The following NUSAP1 variants were observed in gnomAD, a reference collection of about 807,000 sequenced individuals.
NUSAP1 encodes the protein nucleolar and spindle-associated protein 1.
In NUSAP1, 32 loss-of-function variants were observed where a neutral mutation model predicts 52.8. That is an observed-to-expected ratio of 0.61 (90% confidence interval 0.46 to 0.81). NUSAP1 has a LOEUF of 0.81. Ranked by LOEUF, NUSAP1 falls within the 40% of genes least tolerant of loss-of-function variation. NUSAP1 has a pLI of 0.00. For synonymous variants in NUSAP1, 195 were observed against 183.1 expected (o/e 1.06, Z -0.52); for missense variants, 499 against 522.3 (o/e 0.96, Z 0.43).
chr15:41,371,701 A>C lies in NUSAP1; in HGVS notation c.1006+17A>C, dbSNP rs1465804735. On this transcript the variant is annotated intron_variant, in intron 8 of 10. Transcript: ENST00000559596. The stretch of plus-strand genomic sequence containing the variant: ...CTGCTGCTGGTAAAAAAAAAAAAAA[A>C]CAAAAGAAATCTGTTTCATTTTTAA... The C allele has an allele frequency of 1.7e-5, 27 of 1,563,682 alleles. No individual in the cohort carries two copies. Among genetic ancestry groups the C allele is most frequent in the African/African-American group, 4.2e-5 (3 of 71,602 alleles).
intron 7 of NUSAP1, among the ~76,000 whole-genome samples, chr15:41,368,736 T>C (rs2140803488): frequency 7.4e-6 from 1 of 135,424 alleles, no homozygotes; most frequent in East Asian, 2.1e-4. Flanking sequence ...TTCTTTTTTT[T>C]TTTTTTTTTT....
At chr15:41,345,450 T>C in intron 2 of NUSAP1, 1 of 419,844 alleles carries the variant, frequency 2.4e-6, no homozygotes, top group South Asian at 1.7e-5. Flanking sequence ...AAATTTATGA[T>C]CACCTATTTT....
At chr15:41,362,858 A>G (rs907352237) in intron 6 of NUSAP1, among the ~76,000 whole-genome samples, 12 of 152,134 alleles carry the variant, frequency 7.9e-5, no homozygotes, top group African/African-American at 2.9e-4. Flanking sequence ...TCTTGACTTC[A>G]GCTACTCAGG....
chr15:41,334,144 AGTCTTGCTCT>A (rs2048029592), intron 1 of NUSAP1, among the ~76,000 whole-genome samples: 2 of 151,870 alleles, frequency 1.3e-5, no homozygotes, highest in Admixed American at 6.6e-5. Flanking sequence ...TTTGAGACGG[AGTCTTGCTCT>A]GTCGCCCAGG....
At chr15:41,377,834 T>A (rs991421172) in intron 10 of NUSAP1, among the ~76,000 whole-genome samples, 3 of 150,060 alleles carry the variant, frequency 2.0e-5, no homozygotes, top group Non-Finnish European at 4.4e-5. Flanking sequence ...ACCCCATCTC[T>A]ACTAAAAATA....
chr15:41,360,966 T>C (rs2049152257), intron 6 of NUSAP1, among the ~76,000 whole-genome samples: 2 of 151,888 alleles, frequency 1.3e-5, no homozygotes, highest in African/African-American at 2.4e-5. Context: ...TGGTGGTGGG[T>C]GCCTGTACTC....
At chr15:41,336,648 GTTTTTT>G (rs75426159) in intron 1 of NUSAP1, among the ~76,000 whole-genome samples, 1 of 91,372 alleles carries the variant, frequency 1.1e-5, no homozygotes, top group African/African-American at 4.0e-5. Context: ...CCTCCTTTTG[GTTTTTT>G]TTTTTTTTTT....
chr15:41,361,203 GA>G (rs2049163289), intron 6 of NUSAP1, among the ~76,000 whole-genome samples: 1 of 151,924 alleles, frequency 6.6e-6, no homozygotes, highest in Non-Finnish European at 1.5e-5. Context: ...AGACCAGCCT[GA>G]CCAACATGGA....
chr15:41,345,605 A>T, intron 2 of NUSAP1: 1 of 312,420 alleles, frequency 3.2e-6, no homozygotes, highest in Non-Finnish European at 6.1e-6. Context: ...GATTACAGGC[A>T]TGCGCCACCA....
chr15:41,348,733 G>A (rs763120820), intron 2 of NUSAP1, among the ~76,000 whole-genome samples: 1 of 152,098 alleles, frequency 6.6e-6, no homozygotes, highest in African/African-American at 2.4e-5. Context: ...TCCCCTTGCC[G>A]GGTCAAGTGA....
intron 6 of NUSAP1, 84 bp from the exon 7 acceptor site, chr15:41,365,318 G>A (rs2049351222): frequency 2.9e-5 from 34 of 1,170,812 alleles, no homozygotes; most frequent in South Asian, 9.7e-5. Flanking sequence ...CACAACGCCC[G>A]GCTAATTTTT....
chr15:41,377,930 C>T (rs7166617), intron 10 of NUSAP1, among the ~76,000 whole-genome samples: 2,443 of 151,338 alleles, frequency 0.016, 77 homozygotes, highest in African/African-American at 0.057. Flanking sequence ...GCAGAGCTTA[C>T]AGTGAGCCGA....
chr15:41,335,819 A>G (rs1049943360), intron 1 of NUSAP1, among the ~76,000 whole-genome samples: 1 of 146,874 alleles, frequency 6.8e-6, no homozygotes, highest in Non-Finnish European at 1.5e-5. Flanking sequence ...TATACTAAAT[A>G]TACTATATTA....
At chr15:41,359,072 G>C (rs1196252474) in intron 6 of NUSAP1, among the ~76,000 whole-genome samples, 2 of 152,138 alleles carry the variant, frequency 1.3e-5, no homozygotes, top group African/African-American at 2.4e-5. Context: ...TGATGTTATT[G>C]GTATCTGGTG....
intron 2 of NUSAP1, among the ~76,000 whole-genome samples, chr15:41,348,562 T>A (rs1334181586): frequency 6.6e-6 from 1 of 152,252 alleles, no homozygotes; most frequent in East Asian, 1.9e-4. Flanking sequence ...TTGAATACTT[T>A]ACTACCCTAA....
rs775257402 is a variant in NUSAP1, at chr15:41,375,854, G to A, written c.1123+26G>A. On this transcript the variant is annotated intron_variant, in intron 9 of 10. Transcript: ENST00000559596. ...GTATGTGGGAGTGTTTTGAGCTACAGGGCCTGTAAAATACTTAAGATTGGT... is the reference window on the plus strand; with the variant it reads ...GTATGTGGGAGTGTTTTGAGCTACAAGGCCTGTAAAATACTTAAGATTGGT... 7 of 1,482,500 alleles carry A rather than the reference G, an allele frequency of 4.7e-6. No homozygotes were observed. The South Asian group carries it at 5.7e-5, about 12-fold the overall frequency. 91.8% of individuals were successfully genotyped at this position (1,482,500 alleles called of 1,614,324 possible). A position where few individuals can be genotyped will look rare whatever the true frequency, so the allele number is the denominator to read the frequency against.
At chr15:41,362,730 C>A (rs1017851972) in intron 6 of NUSAP1, among the ~76,000 whole-genome samples, 2 of 151,870 alleles carry the variant, frequency 1.3e-5, no homozygotes, top group African/African-American at 4.8e-5. Flanking sequence ...GTGCCTGGCC[C>A]CATTGTTTAC....
chr15:41,342,583 C>G, intron 2 of NUSAP1, 129 bp downstream of exon 2: 1 of 667,870 alleles, frequency 1.5e-6, no homozygotes, highest in Non-Finnish European at 2.5e-6. Context: ...CACGCCTATA[C>G]TCCTAGCACT....
chr15:41,333,585 C>A (rs1264257825), intron 1 of NUSAP1, among the ~76,000 whole-genome samples: 1 of 152,192 alleles, frequency 6.6e-6, no homozygotes, highest in Non-Finnish European at 1.5e-5. Flanking sequence ...TTGATGGTCT[C>A]TATCAAAACC....
Sources: allele counts gnomAD v4.1 joint callset (sites outside exome capture counted in the v4.1 genomes callset), GRCh38; gene constraint gnomAD v4.1.1; transcripts MANE v1.5; gene names NCBI Gene and HGNC (gene_info 2026-07-23, HGNC 2026-07-21).